The following LIMCH1 variants were observed in gnomAD, a reference collection of about 807,000 sequenced individuals.
LIMCH1 encodes LIM and calponin homology domains-containing protein 1.
A neutral mutation model predicts 176.5 loss-of-function variants in LIMCH1; 113 were observed. The ratio of observed to expected loss-of-function variants is 0.64; its 90% CI spans 0.55 to 0.75. The LOEUF is 0.75. Ranked by LOEUF, LIMCH1 falls within the 30% of genes least tolerant of loss-of-function variation. LIMCH1 has a pLI of 0.00. For missense variants in LIMCH1, 1,674 were observed against 1,814.9 expected, an observed-to-expected ratio of 0.92 and a Z score of 1.41; for synonymous variants, 619 against 645.9, an observed-to-expected ratio of 0.96 and a Z score of 0.63.
At chr4:41,595,670 A>T (rs990163512) in intron 1 of LIMCH1, among the ~76,000 whole-genome samples, 2 of 152,250 alleles carry the variant, frequency 1.3e-5, no homozygotes, top group African/African-American at 2.4e-5. Flanking sequence ...AGTGCCCCAC[A>T]TAATTCACCA....
At chr4:41,612,444 C>T (rs1267859962) in intron 4 of LIMCH1, 2 of 669,280 alleles carry the variant, frequency 3.0e-6, no homozygotes, top group Admixed American at 2.1e-5. Flanking sequence ...TGCCTCTCTG[C>T]CAGTGTTATC....
rs938854837 is a variant in LIMCH1, at chr4:41,698,810, G to GT, written c.*1627dup. On this transcript the variant is annotated 3_prime_UTR_variant, in exon 32 of 32. Transcript: ENST00000503057. ...ACCATATTTGTCATTTGGATGAGCT[G>GT]TTATTAGATTGAAATCTACACATCA... is the stretch of plus-strand genomic sequence containing the variant. 1.4e-4 allele frequency: 21 copies of GT among 151,762 alleles called. No homozygotes were observed. The highest frequency in any genetic ancestry group is 5.1e-4 in the African/African-American group (21 of 41,170). The allele number at this position is 151,762 out of a possible 1,614,324, so 9.4% of individuals were successfully genotyped here.
chr4:41,498,793 T>C (rs1391136698), intron 2 of LIMCH1, among the ~76,000 whole-genome samples: 1 of 152,210 alleles, frequency 6.6e-6, no homozygotes, highest in African/African-American at 2.4e-5. Context: ...AAAGAAACTT[T>C]CTGACTTGTG....
In LIMCH1 at chr4:41,650,419, A is replaced by G. The variant is rs1402476750; in HGVS notation, c.2847A>G (p.Gly949=). The change falls in exon 18 of 32, where the codon GGA becomes GGG. Residue 949 remains glycine, a synonymous_variant. Transcript: ENST00000503057. ...FKVDGKVSVN[G]ETVHREEEKE... ...TAGACGGGAAAGTCAGTGTGAATGG[A>G]GAGACGGTTCATAGAGAGGAGGAGA... 1 of 1,614,122 alleles carries G rather than the reference A, an allele frequency of 6.2e-7. No homozygotes were observed. The highest frequency in any genetic ancestry group is 8.5e-7 in the Non-Finnish European group (1 of 1,179,998).
rs552657940 is a variant in LIMCH1 at position 41,424,581 on chromosome 4, A to AT, written c.96+63654dup. Among the ~76,000 whole-genome samples the AT allele has an allele frequency of 4.1e-4, 62 of 151,564 alleles. 1 individual carries two copies. The South Asian group carries it at 7.1e-3, about 17-fold the overall frequency. ...AGCAGCACCCATATCCAAACATATC[A>AT]TTTTTTTTTGTTTTGTAATGAAACT... On this transcript the variant is annotated intron_variant, in intron 1 of 26. Coordinates refer to the LIMCH1 transcript ENST00000313860.
intron 4 of LIMCH1, among the ~76,000 whole-genome samples, chr4:41,610,932 G>A (rs2091341797): frequency 6.6e-6 from 1 of 152,172 alleles, no homozygotes; most frequent in Admixed American, 6.5e-5. Flanking sequence ...AATCCGAAAT[G>A]CTCCAAAATC....
chr4:41,610,859 C>T (rs1241148830), intron 4 of LIMCH1, among the ~76,000 whole-genome samples: 1 of 152,138 alleles, frequency 6.6e-6, no homozygotes, highest in African/African-American at 2.4e-5. Flanking sequence ...CAGTAGACAG[C>T]ATATACACAA....
chr4:41,475,887 A>T, intron 1 of LIMCH1, among the ~76,000 whole-genome samples: 1 of 152,252 alleles, frequency 6.6e-6, no homozygotes, highest in East Asian at 1.9e-4. Context: ...AAATAATACA[A>T]AAAAAGACAT....
chr4:41,693,181 T>G (rs1457767838), intron 31 of LIMCH1: 1 of 152,190 alleles, frequency 6.6e-6, no homozygotes, highest in Non-Finnish European at 1.5e-5. Flanking sequence ...AGAAGACCTT[T>G]TAGTGCAGAT....
intron 1 of LIMCH1, 109 bp from the exon 2 acceptor site, chr4:41,598,811 C>A (rs1470760989): frequency 1.7e-6 from 1 of 591,582 alleles, no homozygotes; most frequent in Non-Finnish European, 3.0e-6. Flanking sequence ...TGATTTAGAC[C>A]TGACCATAGC....
At chr4:41,426,929 C>T (rs2061162505) in intron 1 of LIMCH1, among the ~76,000 whole-genome samples, 2 of 152,160 alleles carry the variant, frequency 1.3e-5, no homozygotes, top group African/African-American at 4.8e-5. Flanking sequence ...TTGATGTATT[C>T]AGTGAAATTC....
chr4:41,630,936 A>G (rs955286028), intron 9 of LIMCH1, among the ~76,000 whole-genome samples: 3 of 152,224 alleles, frequency 2.0e-5, no homozygotes. Context: ...TACTTAGTGC[A>G]CGGCAAATTC....
At chr4:41,527,461 C>T (rs917021240) in intron 3 of LIMCH1, among the ~76,000 whole-genome samples, 1 of 152,178 alleles carries the variant, frequency 6.6e-6, no homozygotes, top group Admixed American at 6.5e-5. Flanking sequence ...GGAAACAATA[C>T]GACAAATCCA....
chr4:41,636,744 T>A (rs1463993326), intron 13 of LIMCH1, among the ~76,000 whole-genome samples: 1 of 152,214 alleles, frequency 6.6e-6, no homozygotes, highest in African/African-American at 2.4e-5. Flanking sequence ...TTAATTACTT[T>A]GTGTAGAAAC....
chr4:41,658,089 A>T (rs1486343142), intron 18 of LIMCH1, among the ~76,000 whole-genome samples: 1 of 152,200 alleles, frequency 6.6e-6, no homozygotes, highest in Non-Finnish European at 1.5e-5. Context: ...TCACCAGCAC[A>T]GGCAGGGTTC....
chr4:41,571,158 C>G (rs1293939893), intron 1 of LIMCH1, among the ~76,000 whole-genome samples: 1 of 151,986 alleles, frequency 6.6e-6, no homozygotes, highest in Non-Finnish European at 1.5e-5. Context: ...ATGTGTGGCT[C>G]AGGGAGCCAC....
At chr4:41,435,851 C>G (rs1018271045) in intron 1 of LIMCH1, among the ~76,000 whole-genome samples, 8 of 152,070 alleles carry the variant, frequency 5.3e-5, no homozygotes, top group African/African-American at 1.9e-4. Flanking sequence ...TTCGGTATCT[C>G]AAAAATCTTA....
At chr4:41,594,876 A>G (rs2088431634) in intron 1 of LIMCH1, among the ~76,000 whole-genome samples, 1 of 152,186 alleles carries the variant, frequency 6.6e-6, no homozygotes, top group African/African-American at 2.4e-5. Flanking sequence ...TTAGGGGACT[A>G]CATGCTGGTC....
intron 1 of LIMCH1, among the ~76,000 whole-genome samples, chr4:41,367,954 A>T (rs564429760): frequency 1.3e-5 from 2 of 152,192 alleles, no homozygotes; most frequent in Admixed American, 1.3e-4. Flanking sequence ...TGTTAAAAAA[A>T]ATTCCTCAGC....
Sources: gnomAD v4.1 joint callset for allele counts (sites outside exome capture counted in the v4.1 genomes callset) on GRCh38, gnomAD v4.1.1 for gene constraint, MANE v1.5 for transcripts, NCBI Gene and HGNC (gene_info 2026-07-23, HGNC 2026-07-21) for gene names.